CFAP20DC: variants seen among roughly 807,000 people sequenced by gnomAD.
CFAP20DC encodes the protein protein CFAP20DC.
CFAP20DC carries 84 observed loss-of-function variants against 101.7 expected under a neutral mutation model. The ratio of observed to expected loss-of-function variants is 0.83; its 90% CI spans 0.69 to 0.99. The LOEUF (loss-of-function observed/expected upper bound fraction) is 0.99, where lower values mean the gene tolerates loss of function less well. CFAP20DC is among the 50% of genes least tolerant of loss of function. CFAP20DC has a pLI of 0.00. For synonymous variants in CFAP20DC, 359 were observed against 351.2 expected, an observed-to-expected ratio of 1.02 and a Z score of -0.25; for missense variants, 1,007 against 970.3, an observed-to-expected ratio of 1.04 and a Z score of -0.50.
intron 3 of CFAP20DC, among the ~76,000 whole-genome samples, chr3:59,045,113 T>C (rs1576826100): frequency 6.6e-6 from 1 of 152,066 alleles, no homozygotes; most frequent in Admixed American, 6.6e-5. Context: ...CCGGTCTCTT[T>C]CGTAGTTTAG....
At chr3:58,853,040 C>T (rs1012471028) in intron 12 of CFAP20DC, among the ~76,000 whole-genome samples, 12 of 152,158 alleles carry the variant, frequency 7.9e-5, no homozygotes, top group Admixed American at 2.0e-4. Context: ...TTAATGAATC[C>T]AGGAGCTGGT....
chr3:58,914,350 A>G lies in CFAP20DC; in HGVS notation c.394-486T>C, dbSNP rs763769048. ...CTGTCTACTTATAACCAATTAACCT[A>G]TTGTACGGAAACAGATTCTTCTAAA... On this transcript the variant is annotated intron_variant, in intron 5 of 16. Transcript: ENST00000482387. The surrounding 1 kb of genome is among the most constrained non-coding windows in gnomAD (Gnocchi z 4.9). Among the ~76,000 whole-genome samples, 1 of 152,198 alleles carries G rather than the reference A, an allele frequency of 6.6e-6. No homozygotes were observed. Among genetic ancestry groups the G allele is most frequent in the Admixed American group, 6.5e-5 (1 of 15,274 alleles).
chr3:58,783,544 G>T (rs1017606496), intron 15 of CFAP20DC, among the ~76,000 whole-genome samples: 3 of 151,934 alleles, frequency 2.0e-5, no homozygotes, highest in African/African-American at 7.2e-5. Flanking sequence ...AAAAATATTT[G>T]CAAACTACTC....
intron 4 of CFAP20DC, among the ~76,000 whole-genome samples, chr3:58,969,055 C>T (rs1409647757): frequency 6.6e-6 from 1 of 152,146 alleles, no homozygotes; most frequent in East Asian, 1.9e-4. Flanking sequence ...CTATTCTCCT[C>T]CACTGGTCTG....
chr3:59,039,422 T>C lies in CFAP20DC; in HGVS notation c.278+135A>G, dbSNP rs2094158520. 3 of 586,066 alleles carry C rather than the reference T, an allele frequency of 5.1e-6. No individual in the cohort carries two copies. The African/African-American group carries it at 5.9e-5, about 12-fold the overall frequency. The allele number at this position is 586,066 out of a possible 1,614,324, so 36.3% of individuals were successfully genotyped here. On this transcript the variant is annotated intron_variant, in intron 4 of 16. Transcript: ENST00000482387. ...AATATGATTAAATTAGTTTAATTAC[T>C]TGATGTTGACTTGATGTAAGTCACT...
chr3:58,796,175 A>T (rs1042315275), intron 15 of CFAP20DC, among the ~76,000 whole-genome samples: 1 of 152,190 alleles, frequency 6.6e-6, no homozygotes, highest in African/African-American at 2.4e-5. Flanking sequence ...TTGGCAGGTC[A>T]ACAAGTACCA....
At chr3:58,758,781 T>G (rs886488817) in intron 15 of CFAP20DC, among the ~76,000 whole-genome samples, 1 of 152,062 alleles carries the variant, frequency 6.6e-6, no homozygotes, top group Non-Finnish European at 1.5e-5. Context: ...AGGGAGAACA[T>G]GCGGTGTTTG....
Position 58,861,915 on chromosome 3 carries a change from A to C in CFAP20DC, c.1593+1643T>G. The C allele has an allele frequency of 1.0e-6, 1 of 985,386 alleles. No individual in the cohort carries two copies. Among genetic ancestry groups the C allele is most frequent in the African/African-American group, 1.7e-5 (1 of 57,374 alleles). 61.0% of individuals were successfully genotyped at this position (985,386 alleles called of 1,614,324 possible). Reference sequence around the variant, plus strand: ...TTTATGTAGTTGGTAACAAATACACATCTGCATAATAAACGTTGAAGGATG... The same window carrying C: ...TTTATGTAGTTGGTAACAAATACACCTCTGCATAATAAACGTTGAAGGATG... On this transcript the variant is annotated intron_variant, in intron 12 of 16. Transcript: ENST00000482387. The surrounding 1 kb of genome is among the most constrained non-coding windows in gnomAD (Gnocchi z 4.0).
chr3:58,872,503 T>C (rs2080315617), intron 7 of CFAP20DC, among the ~76,000 whole-genome samples: 1 of 152,156 alleles, frequency 6.6e-6, no homozygotes, highest in Non-Finnish European at 1.5e-5. Context: ...TTTGTGTTTG[T>C]AATAGATAAA....
chr3:58,780,652 A>G (rs1312180829), intron 15 of CFAP20DC, among the ~76,000 whole-genome samples: 1 of 152,100 alleles, frequency 6.6e-6, no homozygotes, highest in African/African-American at 2.4e-5. Context: ...TGCTTATATC[A>G]CACAGAACAG....
intron 4 of CFAP20DC, among the ~76,000 whole-genome samples, chr3:58,976,059 T>C (rs909392204): frequency 6.6e-6 from 1 of 152,226 alleles, no homozygotes; most frequent in Admixed American, 6.5e-5. Context: ...GTCTATTCGC[T>C]TTTGCAGAAA....
At chr3:59,034,996 C>T (rs965910460) in intron 4 of CFAP20DC, among the ~76,000 whole-genome samples, 3 of 152,212 alleles carry the variant, frequency 2.0e-5, no homozygotes, top group Non-Finnish European at 4.4e-5. Flanking sequence ...CACAGTCTCT[C>T]AGACCACAGT....
At chr3:58,726,906 CAGAAG>C (rs2067560405) in intron 3 of CFAP20DC, 1 of 240,888 alleles carries the variant, frequency 4.2e-6, no homozygotes, top group African/African-American at 2.4e-5. Context: ...CTCGCGCCAT[CAGAAG>C]AGATGAGAGC....
chr3:59,034,304 C>T (rs1407025679), intron 4 of CFAP20DC, among the ~76,000 whole-genome samples: 17 of 152,140 alleles, frequency 1.1e-4, no homozygotes, highest in Non-Finnish European at 8.8e-5. Flanking sequence ...GCAAAATAAC[C>T]AGCTAGCATC....
chr3:59,027,060 T>G (rs1412492961), intron 4 of CFAP20DC, among the ~76,000 whole-genome samples: 1 of 152,110 alleles, frequency 6.6e-6, no homozygotes, highest in Non-Finnish European at 1.5e-5. Context: ...AACACCAAAT[T>G]AAAGTGTTGA....
At chr3:58,733,813 G>A (rs2067693759) in intron 3 of CFAP20DC, among the ~76,000 whole-genome samples, 1 of 152,164 alleles carries the variant, frequency 6.6e-6, no homozygotes. Context: ...TCAGGAAATT[G>A]TTAGTTTTCT....
chr3:58,985,041 A>T (rs1349009784), intron 4 of CFAP20DC, among the ~76,000 whole-genome samples: 3 of 152,040 alleles, frequency 2.0e-5, no homozygotes, highest in Non-Finnish European at 2.9e-5. Flanking sequence ...GGACTGAGGC[A>T]CTAGGACTGG....
At chr3:58,871,531 C>CT (rs951056591) in intron 7 of CFAP20DC, among the ~76,000 whole-genome samples, 5,080 of 136,090 alleles carry the variant, frequency 0.037, 107 homozygotes, top group East Asian at 0.1. Flanking sequence ...TCCGACTTTT[C>CT]TTTTTTTTTT....
intron 4 of CFAP20DC, among the ~76,000 whole-genome samples, chr3:58,969,475 T>C (rs758595360): frequency 1.5e-4 from 23 of 152,120 alleles, no homozygotes; most frequent in Non-Finnish European, 2.9e-4. Context: ...GTAGGTGAGC[T>C]CCAAGAGGAT....
Sources: gnomAD v4.1 joint callset for allele counts (sites outside exome capture counted in the v4.1 genomes callset) on GRCh38, gnomAD v4.1.1 for gene constraint, Gnocchi (gnomAD v3.1) non-coding constraint, MANE v1.5 for transcripts, NCBI Gene and HGNC (gene_info 2026-07-23, HGNC 2026-07-21) for gene names.